TENM1: variants seen among roughly 807,000 people sequenced by gnomAD.
TENM1 encodes the protein teneurin transmembrane protein 1, also known as teneurin-1.
TENM1 carries 35 observed loss-of-function variants against 174.8 expected under a neutral mutation model. The ratio of observed to expected loss-of-function variants is 0.20; its 90% CI spans 0.15 to 0.27. TENM1 has a LOEUF of 0.27. TENM1 is among the 10% of genes least tolerant of loss of function. TENM1 has a pLI of 1.00. For synonymous variants in TENM1, 781 were observed against 798.7 expected (o/e 0.98, Z 0.37); for missense variants, 1,633 against 2,130.1 (o/e 0.77, Z 4.59).
chrX:124,908,533 T>C (rs1392554455), intron 1 of TENM1, among the ~76,000 whole-genome samples: 1 of 111,365 alleles, frequency 9.0e-6, no homozygotes, highest in Non-Finnish European at 1.9e-5. Flanking sequence ...TAGTATTCCA[T>C]GATATATATG....
At chrX:124,967,452 G>A (rs1453203689), upstream of TENM1, among the ~76,000 whole-genome samples, 2 of 111,357 alleles carry the variant, frequency 1.8e-5, no homozygotes. Flanking sequence ...ATCCAGCCAC[G>A]TCTTTTCTTT....
the TENM1 span, among the ~76,000 whole-genome samples, chrX:125,033,941 G>C: frequency 9.0e-6 from 1 of 111,661 alleles, no homozygotes; most frequent in Non-Finnish European, 1.9e-5. Flanking sequence ...GCTTATCTAA[G>C]AATACCACTT....
chrX:124,569,745 C>A (rs771561302), intron 11 of TENM1, among the ~76,000 whole-genome samples: 1 of 111,214 alleles, frequency 9.0e-6, no homozygotes, highest in Admixed American at 9.6e-5. Flanking sequence ...TCCATGTGTA[C>A]AGAAAAATTT....
At chrX:125,143,041 CAT>C in the TENM1 span, among the ~76,000 whole-genome samples, 3 of 111,817 alleles carry the variant, frequency 2.7e-5, no homozygotes, top group Non-Finnish European at 5.6e-5. Context: ...AAAAGCAAAA[CAT>C]GTAAAAATAT....
chrX:124,845,877 A>C (rs779505242), intron 3 of TENM1, among the ~76,000 whole-genome samples: 1 of 110,293 alleles, frequency 9.1e-6, no homozygotes, highest in African/African-American at 3.3e-5. Flanking sequence ...ACAATGTTCC[A>C]GGCACCAGGA....
chrX:125,035,814 T>C, the TENM1 span, among the ~76,000 whole-genome samples: 1 of 111,120 alleles, frequency 9.0e-6, no homozygotes, highest in African/African-American at 3.3e-5. Flanking sequence ...GAGTGATATT[T>C]GAGGCTGTGG....
At chrX:125,083,332 C>T in the TENM1 span, among the ~76,000 whole-genome samples, 1 of 110,933 alleles carries the variant, frequency 9.0e-6, no homozygotes, top group Non-Finnish European at 1.9e-5. Flanking sequence ...CCAGTGAATG[C>T]TTAATCCTCC....
chrX:124,759,672 A>T (rs745937047), intron 3 of TENM1, among the ~76,000 whole-genome samples: 1 of 112,278 alleles, frequency 8.9e-6, no homozygotes, highest in African/African-American at 3.2e-5. Context: ...CTATTCCTTA[A>T]TGTAAATAAT....
intron 27 of TENM1, among the ~76,000 whole-genome samples, chrX:124,402,895 G>A (rs2060415618): frequency 9.0e-6 from 1 of 110,721 alleles, no homozygotes; most frequent in African/African-American, 3.3e-5. Context: ...TTCTTAAAGC[G>A]TTTGTAAAAT....
At chrX:124,493,154 T>C (rs2047109168) in intron 20 of TENM1, among the ~76,000 whole-genome samples, 1 of 111,561 alleles carries the variant, frequency 9.0e-6, no homozygotes, top group Admixed American at 9.5e-5. Flanking sequence ...CTTCAAACTG[T>C]CAAAAACTAA....
At chrX:124,403,565 G>C (rs1450054060) in intron 27 of TENM1, among the ~76,000 whole-genome samples, 1 of 108,965 alleles carries the variant, frequency 9.2e-6, no homozygotes, top group Non-Finnish European at 1.9e-5. Context: ...CACTGCTGTA[G>C]ATTATTTTGT....
At chrX:124,650,019 T>C (rs1306211262) in intron 8 of TENM1, among the ~76,000 whole-genome samples, 1 of 108,824 alleles carries the variant, frequency 9.2e-6, no homozygotes, top group Non-Finnish European at 1.9e-5. Context: ...CTGGCCAACA[T>C]GGTGAAACCC....
At chrX:124,895,380 A>G (rs2057545641) in intron 2 of TENM1, among the ~76,000 whole-genome samples, 1 of 111,812 alleles carries the variant, frequency 8.9e-6, no homozygotes, top group Admixed American at 9.5e-5. Flanking sequence ...AAAAGACAAA[A>G]TTTTCCTTTT....
At chrX:124,899,699 A>G (rs971810662) in intron 1 of TENM1, among the ~76,000 whole-genome samples, 11 of 112,173 alleles carry the variant, frequency 9.8e-5, no homozygotes, top group East Asian at 8.4e-4. Context: ...GTATTGCCCT[A>G]CTGCTTTCCG....
intron 10 of TENM1, among the ~76,000 whole-genome samples, chrX:124,643,602 G>A (rs1177601387): frequency 9.0e-6 from 1 of 111,571 alleles, no homozygotes; most frequent in Non-Finnish European, 1.9e-5. Flanking sequence ...GCAACACAGT[G>A]TGAGCCAAAC....
chrX:124,487,341 G>T, intron 20 of TENM1, 112 bp from the exon 24 acceptor site: 1 of 682,135 alleles, frequency 1.5e-6, no homozygotes, highest in African/African-American at 2.1e-5. Flanking sequence ...TCAGATTGCG[G>T]CATTTAGAGA....
the TENM1 span, among the ~76,000 whole-genome samples, chrX:125,055,235 T>G: frequency 9.0e-6 from 1 of 111,524 alleles, no homozygotes; most frequent in South Asian, 3.7e-4. Context: ...TACGTCAGTT[T>G]TACAGACAGA....
At chrX:125,094,926 C>A in the TENM1 span, among the ~76,000 whole-genome samples, 1 of 112,171 alleles carries the variant, frequency 8.9e-6, no homozygotes, top group Non-Finnish European at 1.9e-5. Context: ...GCTTAAGAAT[C>A]ACTTATCCAG....
chrX:125,011,818 C>G, the TENM1 span, among the ~76,000 whole-genome samples: 1 of 111,301 alleles, frequency 9.0e-6, no homozygotes, highest in Admixed American at 9.5e-5. Flanking sequence ...ATCATTTGAC[C>G]CAGCAATCCA....
Sources: allele counts gnomAD v4.1 joint callset (sites outside exome capture counted in the v4.1 genomes callset), GRCh38; gene constraint gnomAD v4.1.1; transcripts MANE v1.5; gene names NCBI Gene and HGNC (gene_info 2026-07-23, HGNC 2026-07-21).